ST8SIA1: variants seen among roughly 807,000 people sequenced by gnomAD.
ST8SIA1 encodes the protein alpha-N-acetylneuraminide alpha-2,8-sialyltransferase.
ST8SIA1 carries 16 observed loss-of-function variants against 35.9 expected under a neutral mutation model. That is an observed-to-expected ratio of 0.45 (90% CI 0.30 to 0.68). ST8SIA1 has a LOEUF of 0.68. Among genes scored for constraint, ST8SIA1 ranks in the 30% least tolerant of loss-of-function variants. The pLI, the probability that ST8SIA1 is intolerant of heterozygous loss-of-function variation, is 0.09. For missense variants in ST8SIA1, 383 were observed against 453.6 expected, an observed-to-expected ratio of 0.84 and a Z score of 1.41; for synonymous variants, 170 against 169.6, an observed-to-expected ratio of 1.00 and a Z score of -0.02.
chr12:22,293,451 G>A (rs1866204430), intron 1 of ST8SIA1, among the ~76,000 whole-genome samples: 1 of 152,200 alleles, frequency 6.6e-6, no homozygotes, highest in Non-Finnish European at 1.5e-5. Flanking sequence ...TGTATCTAAT[G>A]CATTTCCTGC....
chr12:22,238,840 G>GT (rs1018309453), intron 4 of ST8SIA1, among the ~76,000 whole-genome samples: 5 of 151,680 alleles, frequency 3.3e-5, no homozygotes, highest in African/African-American at 7.3e-5. Flanking sequence ...TGCATCCCAG[G>GT]TTTTTTTTCT....
In ST8SIA1 at chr12:22,196,916, G is replaced by T. The variant is rs1250662959; in HGVS notation, c.*4636C>A. On this transcript the variant is annotated 3_prime_UTR_variant, in exon 5 of 5. Coordinates refer to ENST00000396037, the MANE Select transcript of ST8SIA1 (RefSeq NM_003034.4). ...ACTCTGGAGCCAAGGCAGCTCTCCT[G>T]GGAGAGGACAGAGACTGACGGTGCT... 1 of 152,212 alleles carries T rather than the reference G, an allele frequency of 6.6e-6. No homozygotes were observed. The highest frequency in any genetic ancestry group is 1.5e-5 in the Non-Finnish European group (1 of 68,084). 9.4% of individuals were successfully genotyped at this position (152,212 alleles called of 1,614,324 possible).
chr12:22,282,818 A>G (rs2135813673), intron 2 of ST8SIA1, among the ~76,000 whole-genome samples: 1 of 152,310 alleles, frequency 6.6e-6, no homozygotes, highest in South Asian at 2.1e-4. Flanking sequence ...CCTTCCAGCC[A>G]AAAAGATATA....
rs1865038573 is a variant in ST8SIA1 at position 22,200,557 on chromosome 12, G to A, written c.*995C>T. 6.6e-6 allele frequency: 1 copy of A among 152,076 alleles called. No homozygotes were observed. Among genetic ancestry groups the A allele is most frequent in the African/African-American group, 2.4e-5 (1 of 41,412 alleles). 9.4% of individuals were successfully genotyped at this position (152,076 alleles called of 1,614,324 possible). ...TCAAAGTTTCGCTCAATTCATTCTTGCATGTATGCATACATGTCCTTTACC... is the reference window on the plus strand; with the variant it reads ...TCAAAGTTTCGCTCAATTCATTCTTACATGTATGCATACATGTCCTTTACC... On this transcript the variant is annotated 3_prime_UTR_variant, in exon 5 of 5. Coordinates refer to ENST00000396037, the MANE Select transcript of ST8SIA1 (RefSeq NM_003034.4).
chr12:22,232,170 A>G (rs1865428464), intron 4 of ST8SIA1, among the ~76,000 whole-genome samples: 3 of 152,168 alleles, frequency 2.0e-5, no homozygotes, highest in Admixed American at 2.0e-4. Context: ...AACACAAACC[A>G]GGGTATATGA....
At chr12:22,297,353 A>C (rs1296481837) in intron 1 of ST8SIA1, among the ~76,000 whole-genome samples, 1 of 150,678 alleles carries the variant, frequency 6.6e-6, no homozygotes. Context: ...TCCCAGCTGC[A>C]CTGCCTACTA....
At position 22,325,866 on chromosome 12, in the gene ST8SIA1, G is replaced by A. The variant is rs957576194; in HGVS notation, c.236+8131C>T. 52 of 701,656 alleles carry A rather than the reference G, an allele frequency of 7.4e-5. No homozygotes were observed. Among genetic ancestry groups the A allele is most frequent in the Admixed American group, 6.4e-4 (32 of 49,910 alleles). The allele number at this position is 701,656 out of a possible 1,614,324, so 43.5% of individuals were successfully genotyped here. On this transcript the variant is annotated intron_variant, in intron 1 of 4. Coordinates refer to ENST00000396037, the MANE Select transcript of ST8SIA1 (RefSeq NM_003034.4). ...ATCGGTGTTCCTTGAACACAAGCAC[G>A]GTGATCCCACCACCAAGATGGATAT...
At position 22,334,201 on chromosome 12, in the gene ST8SIA1, G is replaced by A. The variant is rs1466030094; in HGVS notation, c.32C>T (p.Thr11Met). 1 of 1,613,310 alleles carries A rather than the reference G, an allele frequency of 6.2e-7. No individual in the cohort carries two copies. The highest frequency in any genetic ancestry group is 1.3e-5 in the African/African-American group (1 of 74,904). ...CAGTACAGCCATGGCCCCTCTGGAC[G>A]TTTGTCGCCGGGCCCGCCCGCAGGG... MSPCGRARRQ[T>M]SRGAMAVLAW... The change falls in exon 1 of 5, where the codon ACG becomes ATG. Residue 11 changes from threonine (T) to methionine (M), a missense_variant. Thr to Met is a moderately conservative substitution (Grantham distance 81). Coordinates refer to ENST00000396037, the MANE Select transcript of ST8SIA1 (RefSeq NM_003034.4).
At chr12:22,202,208 A>C (rs1032804307) in intron 4 of ST8SIA1, among the ~76,000 whole-genome samples, 170 bp from the exon 5 acceptor site, 2 of 152,202 alleles carry the variant, frequency 1.3e-5, no homozygotes, top group African/African-American at 2.4e-5. Context: ...ATTATCTCTC[A>C]TCAAATAGCC....
At chr12:22,332,008 A>G (rs1405111037) in intron 1 of ST8SIA1, among the ~76,000 whole-genome samples, 1 of 152,210 alleles carries the variant, frequency 6.6e-6, no homozygotes, top group Non-Finnish European at 1.5e-5. Flanking sequence ...ATAAACAAGA[A>G]AGCCAGGACT....
At chr12:22,323,204 G>A (rs1019639332) in intron 1 of ST8SIA1, among the ~76,000 whole-genome samples, 1 of 152,202 alleles carries the variant, frequency 6.6e-6, no homozygotes, top group East Asian at 1.9e-4. Context: ...GTTGTATGGG[G>A]ATCTTTTTTC....
chr12:22,222,618 A>G (rs1415014230), intron 4 of ST8SIA1, among the ~76,000 whole-genome samples: 1 of 151,908 alleles, frequency 6.6e-6, no homozygotes, highest in East Asian at 1.9e-4. Context: ...AAGACCATAT[A>G]TATATATATA....
intron 2 of ST8SIA1, among the ~76,000 whole-genome samples, chr12:22,262,166 G>A (rs1022479674): frequency 6.6e-6 from 1 of 152,188 alleles, no homozygotes; most frequent in African/African-American, 2.4e-5. Context: ...TAGCATGCAT[G>A]AGAGTGAAAA....
rs188774981 is a variant in ST8SIA1 at position 22,331,837 on chromosome 12, T to C, written c.236+2160A>G. ...ATCTGGCAGGAGAAACATTCCAAAT[T>C]CTCATGGGTTGCCCAGATTTCCTTA... is the stretch of plus-strand genomic sequence containing the variant. On this transcript the variant is annotated intron_variant, in intron 1 of 4. Transcript: ENST00000396037. 2.1e-3 allele frequency among the ~76,000 whole-genome samples: 316 copies of C among 152,238 alleles called. 2 individuals carry two copies. The highest frequency in any genetic ancestry group is 7.5e-3 in the African/African-American group (313 of 41,542).
intron 4 of ST8SIA1, among the ~76,000 whole-genome samples, chr12:22,208,392 G>A (rs1358534246): frequency 6.6e-6 from 1 of 151,940 alleles, no homozygotes; most frequent in African/African-American, 2.4e-5. Context: ...AACCAATAGA[G>A]TCTTAGCTTC....
At chr12:22,273,089 C>T (rs16924854) in intron 2 of ST8SIA1, among the ~76,000 whole-genome samples, 23,460 of 152,014 alleles carry the variant, frequency 0.15, 1,861 homozygotes, top group Middle Eastern at 0.25. Flanking sequence ...GGTTTCTTAC[C>T]GATAATGACA....
intron 4 of ST8SIA1, among the ~76,000 whole-genome samples, chr12:22,221,932 A>C (rs1232395241): frequency 6.6e-6 from 1 of 152,172 alleles, no homozygotes; most frequent in South Asian, 2.1e-4. Context: ...CTCTCTCTAA[A>C]ATATGGCTAA....
At chr12:22,248,788 C>T in intron 4 of ST8SIA1, 1 of 488,256 alleles carries the variant, frequency 2.0e-6, no homozygotes, top group East Asian at 3.3e-5. Context: ...TCTATCATCT[C>T]TAAAGGCAAG....
Position 22,230,739 on chromosome 12 carries a change from C to A in ST8SIA1, c.584+18267G>T, listed in dbSNP as rs889455259. The stretch of plus-strand genomic sequence containing the variant: ...ACTATCATCTTGAATAGAGTAGAGA[C>A]TAGACATTGAGTTGAGAAGATCTGA... On this transcript the variant is annotated intron_variant, in intron 4 of 4. Transcript: ENST00000396037. Among the ~76,000 whole-genome samples, 8 of 152,120 alleles carry A rather than the reference C, an allele frequency of 5.3e-5. No homozygotes were observed. In the East Asian group the frequency reaches 1.4e-3, roughly 26 times the overall value.
Sources: allele counts gnomAD v4.1 joint callset (sites outside exome capture counted in the v4.1 genomes callset), GRCh38; gene constraint gnomAD v4.1.1; transcripts MANE v1.5; gene names NCBI Gene and HGNC (gene_info 2026-07-23, HGNC 2026-07-21).